ITGB1: variants seen among roughly 807,000 people sequenced by gnomAD.
ITGB1 encodes integrin subunit beta 1, also known as integrin beta-1.
Under a neutral mutation model 86.5 loss-of-function variants are expected in ITGB1, and 24 were observed. The ratio of observed to expected loss-of-function variants is 0.28; its 90% CI spans 0.20 to 0.39. The LOEUF is 0.39. Ranked by LOEUF, ITGB1 falls within the 10% of genes least tolerant of loss-of-function variation. The pLI is 1.00. For missense variants in ITGB1, 556 were observed against 946.9 expected, an observed-to-expected ratio of 0.59 and a Z score of 5.42; for synonymous variants, 323 against 316.8, an observed-to-expected ratio of 1.02 and a Z score of -0.21.
intron 15 of ITGB1, among the ~76,000 whole-genome samples, chr10:32,904,475 A>T (rs2094890894): frequency 6.6e-6 from 1 of 152,234 alleles, no homozygotes; most frequent in Non-Finnish European, 1.5e-5. Flanking sequence ...GCATAGCAGC[A>T]GATGAGGACA....
chr10:32,908,929 C>T (rs2094904954), intron 14 of ITGB1, among the ~76,000 whole-genome samples: 1 of 152,112 alleles, frequency 6.6e-6, no homozygotes, highest in Non-Finnish European at 1.5e-5. Context: ...GCAGGAGTTA[C>T]AAAACCTAAT....
chr10:32,931,070 A>C lies in ITGB1; in HGVS notation c.154-1026T>G, dbSNP rs865791117. Among the ~76,000 whole-genome samples, 86 of 152,252 alleles carry C rather than the reference A, an allele frequency of 5.6e-4. No individual in the cohort carries two copies. The Middle Eastern group carries it at 0.014, about 24-fold the overall frequency. ...AAGAATACACAATAGTTTTTACATA[A>C]GATTTTTTAAGAGAAACATCATACT... On this transcript the variant is annotated intron_variant, in intron 3 of 15. Transcript: ENST00000302278.
intron 11 of ITGB1, among the ~76,000 whole-genome samples, chr10:32,914,571 C>T (rs2094925554): frequency 6.6e-6 from 1 of 152,038 alleles, no homozygotes; most frequent in Admixed American, 6.5e-5. Context: ...ACAAAGAACG[C>T]CATTACATAA....
intron 4 of ITGB1, among the ~76,000 whole-genome samples, chr10:32,929,241 G>T (rs2094975422): frequency 6.6e-6 from 1 of 152,090 alleles, no homozygotes; most frequent in African/African-American, 2.4e-5. Context: ...GGGTCTGCGG[G>T]CTGAAGGCGA....
intron 6 of ITGB1, 81 bp from the exon 7 acceptor site, chr10:32,923,821 C>A: frequency 8.7e-7 from 1 of 1,147,322 alleles, no homozygotes; most frequent in South Asian, 1.6e-5. Context: ...TATAGGCCAC[C>A]ATTGTATTTT....
chr10:32,948,715 C>A (rs66899110), intron 1 of ITGB1, among the ~76,000 whole-genome samples: 22,471 of 152,080 alleles, frequency 0.15, 1,964 homozygotes, highest in East Asian at 0.31. Flanking sequence ...CTTCCACCTT[C>A]TACCATGGGA....
chr10:32,920,191 A>T (rs1224387272), intron 10 of ITGB1, 54 bp downstream of exon 10: 7 of 1,583,172 alleles, frequency 4.4e-6, no homozygotes, highest in Non-Finnish European at 6.0e-6. Context: ...CTATAAACTA[A>T]ATTTGCTTAT....
At chr10:32,914,434 G>A (rs1003882719) in intron 11 of ITGB1, among the ~76,000 whole-genome samples, 1 of 152,084 alleles carries the variant, frequency 6.6e-6, no homozygotes. Flanking sequence ...CACGTGCAGA[G>A]ACAAACACAG....
At chr10:32,916,065 G>T (rs1369302199) in intron 11 of ITGB1, among the ~76,000 whole-genome samples, 1 of 152,132 alleles carries the variant, frequency 6.6e-6, no homozygotes, top group African/African-American at 2.4e-5. Context: ...AAAAACACAT[G>T]ATTATCTCAA....
At chr10:32,954,739 GTGTA>G (rs1017680046) in intron 1 of ITGB1, among the ~76,000 whole-genome samples, 1 of 152,106 alleles carries the variant, frequency 6.6e-6, no homozygotes, top group Non-Finnish European at 1.5e-5. Flanking sequence ...ATGTGCTTGT[GTGTA>G]TGTGTGTATA....
chr10:32,920,901 T>C (rs142268798), intron 9 of ITGB1, among the ~76,000 whole-genome samples: 5,046 of 151,688 alleles, frequency 0.033, 131 homozygotes, highest in Admixed American at 0.05. Context: ...AAGAATCGCC[T>C]GAACCCGGGA....
intron 11 of ITGB1, among the ~76,000 whole-genome samples, chr10:32,918,161 A>G (rs1367987306): frequency 1.3e-5 from 2 of 152,170 alleles, no homozygotes; most frequent in Non-Finnish European, 2.9e-5. Context: ...ACTTGGACAC[A>G]GGGTGGGGAA....
intron 15 of ITGB1, among the ~76,000 whole-genome samples, chr10:32,904,205 T>A (rs1383883918): frequency 6.6e-6 from 1 of 152,198 alleles, no homozygotes; most frequent in Non-Finnish European, 1.5e-5. Context: ...ACTATCTGTA[T>A]TAGGCATCAT....
chr10:32,932,459 G>A (rs890103931), intron 3 of ITGB1, 56 bp downstream of exon 3: 1 of 932,828 alleles, frequency 1.1e-6, no homozygotes, highest in Non-Finnish European at 1.8e-6. Flanking sequence ...ATACAGCACT[G>A]AGCCACACTA....
chr10:32,950,540 A>C (rs745338769), intron 1 of ITGB1, among the ~76,000 whole-genome samples: 12 of 152,140 alleles, frequency 7.9e-5, no homozygotes, highest in African/African-American at 1.4e-4. Flanking sequence ...GATTAACAAA[A>C]CTTCGCAGAA....
rs188472724 is a variant in ITGB1 at position 32,952,656 on chromosome 10, G to A, written c.-1+5489C>T. Among the ~76,000 whole-genome samples, 10 of 152,154 alleles carry A rather than the reference G, an allele frequency of 6.6e-5. No homozygotes were observed. The East Asian group carries it at 1.4e-3, about 21-fold the overall frequency. On this transcript the variant is annotated intron_variant, in intron 1 of 15. Coordinates refer to ENST00000302278, the MANE Select transcript of ITGB1 (RefSeq NM_002211.4). Reference sequence around the variant, plus strand: ...AAATGTGACTTCCATACTCCAAATGGTACATACCTAATTTCGTATGTAAAT... The same window carrying A: ...AAATGTGACTTCCATACTCCAAATGATACATACCTAATTTCGTATGTAAAT...
At chr10:32,923,316 G>A (rs1262804685) in intron 7 of ITGB1, among the ~76,000 whole-genome samples, 1 of 152,138 alleles carries the variant, frequency 6.6e-6, no homozygotes, top group Admixed American at 6.6e-5. Flanking sequence ...CTGTGGGCGG[G>A]GAGTTGAGGC....
chr10:32,907,972 T>C, intron 15 of ITGB1, among the ~76,000 whole-genome samples: 1 of 152,240 alleles, frequency 6.6e-6, no homozygotes, highest in East Asian at 1.9e-4. Flanking sequence ...TATAACCTTT[T>C]GAATCTGGCT....
At chr10:32,948,985 G>T (rs1329097066) in intron 1 of ITGB1, among the ~76,000 whole-genome samples, 1 of 82,674 alleles carries the variant, frequency 1.2e-5, no homozygotes, top group South Asian at 3.4e-4. Flanking sequence ...AAAAAAAAAA[G>T]ACTGACTTCT....
Sources: gnomAD v4.1 joint callset for allele counts (sites outside exome capture counted in the v4.1 genomes callset) on GRCh38, gnomAD v4.1.1 for gene constraint, MANE v1.5 for transcripts, NCBI Gene and HGNC (gene_info 2026-07-23, HGNC 2026-07-21) for gene names.